CYP4F3: variants seen among roughly 807,000 people sequenced by gnomAD.
CYP4F3 encodes the protein cytochrome P450 4F3.
Under a neutral mutation model 54.8 loss-of-function variants are expected in CYP4F3, and 50 were observed. That is an observed-to-expected ratio of 0.91 (90% confidence interval 0.73 to 1.16). The LOEUF (loss-of-function observed/expected upper bound fraction) is 1.16, where lower values mean the gene tolerates loss of function less well. Among genes scored for constraint, CYP4F3 ranks in the 50% most tolerant of loss-of-function variants. The pLI is 0.00. For synonymous variants in CYP4F3, 244 were observed against 262.6 expected (o/e 0.93, Z 0.69); for missense variants, 715 against 676.2 (o/e 1.06, Z -0.64).
intron 2 of CYP4F3, 78 bp downstream of exon 2, chr19:15,641,691 G>T: frequency 7.6e-7 from 1 of 1,319,108 alleles, no homozygotes; most frequent in Non-Finnish European, 1.1e-6. Flanking sequence ...GCTCAGGTGA[G>T]AGGGGGTGGG....
At chr19:15,646,805 G>T (rs187972553) in intron 3 of CYP4F3, among the ~76,000 whole-genome samples, 89 of 152,260 alleles carry the variant, frequency 5.8e-4, no homozygotes, top group African/African-American at 2.1e-3. Flanking sequence ...GTCAAGGCAT[G>T]CTGGAGCCCT....
At position 15,659,076 on chromosome 19, in the gene CYP4F3, C is replaced by A. The variant is rs1383312417; in HGVS notation, c.1398-144C>A. On this transcript the variant is annotated intron_variant, in intron 12 of 12. Coordinates refer to ENST00000221307, the MANE Select transcript of CYP4F3 (RefSeq NM_000896.3). Reference sequence around the variant, plus strand: ...TAGGCTCGCAGGATATGCAAGCCCACATGGGGATCCAGGCACGGATACCCC... The same window carrying A: ...TAGGCTCGCAGGATATGCAAGCCCAAATGGGGATCCAGGCACGGATACCCC... 3.9e-6 allele frequency: 5 copies of A among 1,279,638 alleles called. No individual in the cohort carries two copies. In the African/African-American group the frequency reaches 7.6e-5, roughly 19 times the overall value. The allele number at this position is 1,279,638 out of a possible 1,614,324, so 79.3% of individuals were successfully genotyped here. A position where few individuals can be genotyped will look rare whatever the true frequency, so the allele number is the denominator to read the frequency against.
intron 1 of CYP4F3, 67 bp from the exon 2 acceptor site, chr19:15,641,348 T>C: frequency 6.3e-7 from 1 of 1,581,260 alleles, no homozygotes; most frequent in East Asian, 2.2e-5. Context: ...CTCTCCACTG[T>C]CCCTGGAGCT....
At position 15,662,266 on chromosome 19, in the gene CYP4F3, C is replaced by G. The variant is rs12611348; in HGVS notation, c.*2881C>G. The G allele has an allele frequency of 0.3, 17,075 of 57,364 alleles. 2,985 individuals carry two copies. The highest frequency in any genetic ancestry group is 0.39 in the Middle Eastern group (45 of 114). The allele number at this position is 57,364 out of a possible 1,614,324, so 3.6% of individuals were successfully genotyped here. On this transcript the variant is annotated 3_prime_UTR_variant, in exon 13 of 13. Coordinates refer to ENST00000221307, the MANE Select transcript of CYP4F3 (RefSeq NM_000896.3). ...AGCCTGGGTGAAAGAGCTAGATTCTCTCTCTCAAAAAAAAAAAAAAAAAAA... is the reference window on the plus strand; with the variant it reads ...AGCCTGGGTGAAAGAGCTAGATTCTGTCTCTCAAAAAAAAAAAAAAAAAAA...
At chr19:15,641,041 C>A (rs1421855903) in intron 1 of CYP4F3, 96 bp downstream of exon 1, 1 of 250,456 alleles carries the variant, frequency 4.0e-6, no homozygotes, top group Non-Finnish European at 7.9e-6. Flanking sequence ...GGAGCCCCAG[C>A]CTTCCCACAT....
chr19:15,658,560 G>C lies in CYP4F3; in HGVS notation c.1314+5G>C. On this transcript the variant is annotated splice_donor_5th_base_variant and intron_variant, in intron 11 of 12. Transcript: ENST00000221307. ...GCCGTGTGGCCGGACCCTGAGGTGCGGGCCCCCCGTCTCTGTTTTTGTCCA... is the reference window on the plus strand; with the variant it reads ...GCCGTGTGGCCGGACCCTGAGGTGCCGGCCCCCCGTCTCTGTTTTTGTCCA... 1 of 1,613,978 alleles carries C rather than the reference G, an allele frequency of 6.2e-7. No homozygotes were observed.
At position 15,656,501 on chromosome 19, in the gene CYP4F3, C is replaced by G. The variant is rs191893445; in HGVS notation, c.1116-1763C>G. 1.0e-3 allele frequency among the ~76,000 whole-genome samples: 75 copies of G among 72,888 alleles called. No individual in the cohort carries two copies. The East Asian group carries it at 0.034, about 33-fold the overall frequency. The allele number at this position is 72,888 out of a possible 152,430, so 47.8% of individuals were successfully genotyped here. ...TCTATCTATCTATCTATCTATCTAT[C>G]TATCTATCTATCTATCTATCTATTT... is the stretch of plus-strand genomic sequence containing the variant. On this transcript the variant is annotated intron_variant, in intron 9 of 12. Coordinates refer to ENST00000221307, the MANE Select transcript of CYP4F3 (RefSeq NM_000896.3).
At position 15,652,615 on chromosome 19, in the gene CYP4F3, C is replaced by T; in HGVS notation, c.965C>T (p.Ala322Val). Residue 322 changes from alanine to valine, a missense_variant, in exon 8 of 13, where the codon GCT (alanine) becomes GTT (valine). Transcript: ENST00000221307. ...TCCGATGAGGACATAAGAGCAGAAG[C>T]TGACACCTTTATGTTTGAGGGTGAG... ...KLSDEDIRAEADTFMFEGHDT... is the reference protein window; with the variant it reads ...KLSDEDIRAEVDTFMFEGHDT... The T allele has an allele frequency of 6.2e-7, 1 of 1,614,170 alleles. No homozygotes were observed. Among genetic ancestry groups the T allele is most frequent in the Non-Finnish European group, 8.5e-7 (1 of 1,180,030 alleles).
intron 9 of CYP4F3, among the ~76,000 whole-genome samples, chr19:15,653,324 C>G (rs1468825627): frequency 6.6e-6 from 1 of 152,148 alleles, no homozygotes; most frequent in Non-Finnish European, 1.5e-5. Flanking sequence ...CCCTTCCATC[C>G]AGTCCAGGGA....
chr19:15,652,905 G>A lies in CYP4F3; in HGVS notation c.1068G>A (p.Gln356=), dbSNP rs762588767. Residue 356 remains glutamine, a synonymous_variant, in exon 9 of 13, where the codon CAG becomes CAA. Coordinates refer to ENST00000221307, the MANE Select transcript of CYP4F3 (RefSeq NM_000896.3). ...KHPEYQERCR[Q]EVQELLKDRE... ...CGGAATACCAGGAGCGCTGTCGGCAGGAGGTGCAAGAGCTTCTGAAGGACC... is the reference window on the plus strand; with the variant it reads ...CGGAATACCAGGAGCGCTGTCGGCAAGAGGTGCAAGAGCTTCTGAAGGACC... 6 of 1,613,798 alleles carry A rather than the reference G, an allele frequency of 3.7e-6. No homozygotes were observed. Among genetic ancestry groups the A allele is most frequent in the Non-Finnish European group, 5.1e-6 (6 of 1,179,820 alleles).
Position 15,650,870 on chromosome 19 carries a change from T to C in CYP4F3, c.918+687T>C, listed in dbSNP as rs7253756. Among the ~76,000 whole-genome samples, 244 of 39,440 alleles carry C rather than the reference T, an allele frequency of 6.2e-3. 67 individuals carry two copies. The highest frequency in any genetic ancestry group is 0.05 in the Middle Eastern group (4 of 80). 25.9% of individuals were successfully genotyped at this position (39,440 alleles called of 152,430 possible). On this transcript the variant is annotated intron_variant, in intron 7 of 12. Coordinates refer to ENST00000221307, the MANE Select transcript of CYP4F3 (RefSeq NM_000896.3). ...TCTTTCTTTCTTTCTTTCTTTCTTT[T>C]TCTCTCTCTCTCTTTCCTTTTTTTG...
chr19:15,649,214 C>T lies in CYP4F3; in HGVS notation c.580C>T (p.His194Tyr), dbSNP rs1431626235. 1.2e-6 allele frequency: 2 copies of T among 1,613,450 alleles called. No individual in the cohort carries two copies. Among genetic ancestry groups the T allele is most frequent in the Non-Finnish European group, 1.7e-6 (2 of 1,179,590 alleles). Residue 194 changes from histidine to tyrosine, a missense_variant, in exon 6 of 13, where the codon CAC (histidine) becomes TAC (tyrosine). Transcript: ENST00000221307. ...EGSARLDMFE[H>Y]ISLMTLDSLQ... ...TAGTGCCCGTCTGGACATGTTTGAG[C>T]ACATCAGCCTCATGACCTTGGACAG...
intron 12 of CYP4F3, among the ~76,000 whole-genome samples, 173 bp from the exon 13 acceptor site, chr19:15,659,047 C>G (rs10403377): frequency 0.46 from 69,918 of 151,044 alleles, 17,341 homozygotes; most frequent in East Asian, 0.65. Context: ...GGTTGGAGCT[C>G]GGCTAGGCTC....
At chr19:15,645,171 C>A (rs1434951449) in intron 2 of CYP4F3, among the ~76,000 whole-genome samples, 2 of 152,220 alleles carry the variant, frequency 1.3e-5, no homozygotes, top group Admixed American at 1.3e-4. Context: ...AAGCTCAATT[C>A]TCATGGGAAA....
At chr19:15,645,631 A>G in intron 2 of CYP4F3, 88 bp from the exon 3 acceptor site, 2 of 1,482,090 alleles carry the variant, frequency 1.3e-6, no homozygotes, top group Admixed American at 2.2e-5. Context: ...TGAAATTCTC[A>G]GGGAGAGGGC....
chr19:15,641,541 T>C lies in CYP4F3; in HGVS notation c.126T>C (p.Tyr42=). 11 of 1,614,172 alleles carry C rather than the reference T, an allele frequency of 6.8e-6. No individual in the cohort carries two copies. The highest frequency in any genetic ancestry group is 1.3e-5 in the African/African-American group (1 of 75,030). ...TCCTGGCCTGGACCTATACCTTCTA[T>C]GACAACTGCTGCCGCCTCCGGTGTT... ...ARILAWTYTF[Y]DNCCRLRCFP... Residue 42 remains tyrosine (Y), a synonymous_variant, in exon 2 of 13, where the codon TAT becomes TAC. Transcript: ENST00000221307.
intron 7 of CYP4F3, among the ~76,000 whole-genome samples, chr19:15,652,203 A>G (rs1972876380): frequency 1.3e-5 from 2 of 152,192 alleles, no homozygotes; most frequent in Non-Finnish European, 2.9e-5. Context: ...AATGTGGGCA[A>G]ATATCTTTGA....
chr19:15,647,408 G>T, intron 5 of CYP4F3, 84 bp downstream of exon 5: 1 of 1,585,376 alleles, frequency 6.3e-7, no homozygotes, highest in Non-Finnish European at 8.6e-7. Flanking sequence ...TTTTGGCTCT[G>T]CTGGGTGCCT....
At chr19:15,652,544 TG>T (rs1400773135) in intron 7 of CYP4F3, 24 bp from the exon 8 acceptor site, 5 of 1,194,640 alleles carry the variant, frequency 4.2e-6, no homozygotes, top group African/African-American at 6.7e-5. Context: ...GGGGTGGGGG[TG>T]GGGGGTTATT....
Sources: gnomAD v4.1 joint callset for allele counts (sites outside exome capture counted in the v4.1 genomes callset) on GRCh38, gnomAD v4.1.1 for gene constraint, MANE v1.5 for transcripts, NCBI Gene and HGNC (gene_info 2026-07-23, HGNC 2026-07-21) for gene names.